Variants in CLEC1A observed in about 807,000 individuals in gnomAD.
CLEC1A encodes C-type lectin domain family 1 member A.
CLEC1A carries 34 observed loss-of-function variants against 28.7 expected under a neutral mutation model. The ratio of observed to expected loss-of-function variants is 1.18; its 90% confidence interval spans 0.90 to 1.57. CLEC1A has a LOEUF of 1.57. Ranked by LOEUF, CLEC1A falls within the 40% of genes most tolerant of loss-of-function variation. CLEC1A has a pLI of 0.00. For missense variants in CLEC1A, 385 were observed against 339.5 expected, an observed-to-expected ratio of 1.13 and a Z score of -1.05; for synonymous variants, 116 against 121.0, an observed-to-expected ratio of 0.96 and a Z score of 0.27.
At position 10,081,390 on chromosome 12, in the gene CLEC1A, T is replaced by A; in HGVS notation, c.238A>T (p.Asn80Tyr). The change falls in exon 3 of 6, where the codon AAT becomes TAT. Residue 80 changes from asparagine (N) to tyrosine (Y), a missense_variant. Physicochemically the swap from Asn to Tyr is moderately radical, Grantham distance 143. Transcript: ENST00000315330. The stretch of plus-strand genomic sequence containing the variant: ...TGAGAAATGGTGTCTTGACCAGTAT[T>A]GGAGAGCTGGTAGTACTGAAAAACT... ...LLFFQYYQLS[N>Y]TGQDTISQME... 1 of 1,607,978 alleles carries A rather than the reference T, an allele frequency of 6.2e-7. No individual in the cohort carries two copies. The highest frequency in any genetic ancestry group is 2.2e-5 in the East Asian group (1 of 44,610).
At chr12:10,092,309 G>C (rs112672762) in intron 1 of CLEC1A, 3 of 206,886 alleles carry the variant, frequency 1.5e-5, no homozygotes, top group African/African-American at 4.8e-5. Flanking sequence ...CCAGGAGTTC[G>C]AGACCAGCCT....
At chr12:10,085,536 TAAAAA>T (rs71049044) in intron 2 of CLEC1A, among the ~76,000 whole-genome samples, 6,477 of 128,662 alleles carry the variant, frequency 0.05, 408 homozygotes, top group African/African-American at 0.16. Flanking sequence ...GCAAAAACAG[TAAAAA>T]AAAAAAAAAA....
intron 2 of CLEC1A, 24 bp from the exon 3 acceptor site, chr12:10,081,437 C>A (rs1217805085): frequency 1.5e-5 from 23 of 1,561,086 alleles, no homozygotes; most frequent in Non-Finnish European, 2.0e-5. Flanking sequence ...CCAAGTCAGA[C>A]TGGACAGCTT....
intron 3 of CLEC1A, among the ~76,000 whole-genome samples, chr12:10,078,886 G>A (rs1040094109): frequency 1.3e-5 from 2 of 152,100 alleles, no homozygotes; most frequent in Admixed American, 6.5e-5. Flanking sequence ...AGCCTGGCAT[G>A]TCTCTCCCCA....
intron 2 of CLEC1A, among the ~76,000 whole-genome samples, chr12:10,083,532 G>A (rs1866413775): frequency 6.6e-6 from 1 of 152,214 alleles, no homozygotes; most frequent in Non-Finnish European, 1.5e-5. Context: ...GCAGTAGTGT[G>A]ATCTTGGCTC....
intron 3 of CLEC1A, among the ~76,000 whole-genome samples, chr12:10,076,785 A>G (rs1022825404): frequency 1.3e-5 from 2 of 152,242 alleles, no homozygotes; most frequent in Non-Finnish European, 2.9e-5. Context: ...GTCCGTTTCA[A>G]CTATGGTCCC....
At chr12:10,094,611 T>G (rs959244594) in intron 1 of CLEC1A, among the ~76,000 whole-genome samples, 1 of 152,184 alleles carries the variant, frequency 6.6e-6, no homozygotes, top group African/African-American at 2.4e-5. Flanking sequence ...CTACCCAAGC[T>G]GACTGATTCC....
intron 2 of CLEC1A, among the ~76,000 whole-genome samples, chr12:10,088,706 T>TA (rs1171890349): frequency 5.3e-5 from 8 of 151,966 alleles, no homozygotes; most frequent in African/African-American, 1.2e-4. Flanking sequence ...GGAGTTTACC[T>TA]ACTCTCCTTG....
intron 1 of CLEC1A, among the ~76,000 whole-genome samples, chr12:10,092,008 A>C (rs895633704): frequency 4.3e-5 from 3 of 70,112 alleles, no homozygotes; most frequent in African/African-American, 9.3e-5. Flanking sequence ...TAAATGAATG[A>C]ATAGGTCCAT....
chr12:10,098,775 T>C, intron 1 of CLEC1A, 33 bp downstream of exon 1: 1 of 1,374,396 alleles, frequency 7.3e-7, no homozygotes, highest in East Asian at 2.3e-5. Context: ...TCACAAGGAC[T>C]GTGGTCTATT....
At chr12:10,084,838 A>G (rs1402216412) in intron 2 of CLEC1A, among the ~76,000 whole-genome samples, 2 of 150,552 alleles carry the variant, frequency 1.3e-5, no homozygotes, top group East Asian at 1.9e-4. Context: ...AAAAAAAAAA[A>G]AAAAAGAAAA....
chr12:10,083,358 C>T (rs1866409786), intron 2 of CLEC1A, among the ~76,000 whole-genome samples: 1 of 152,158 alleles, frequency 6.6e-6, no homozygotes, highest in African/African-American at 2.4e-5. Flanking sequence ...TGGATTCAAA[C>T]CAAGAAGAAA....
rs562085085 is a variant in CLEC1A, at chr12:10,076,679, T to TGA, written c.392-1026_392-1025dup. ...CTAAAACACAGAACAAGAATGGGAA[T>TGA]GATGCTTACCTAAAAGGATTATTGT... On this transcript the variant is annotated intron_variant, in intron 3 of 5. Coordinates refer to ENST00000315330, the MANE Select transcript of CLEC1A (RefSeq NM_016511.4). 3.2e-4 allele frequency among the ~76,000 whole-genome samples: 49 copies of TGA among 152,232 alleles called. 2 individuals carry two copies. In the East Asian group the frequency reaches 8.3e-3, roughly 26 times the overall value.
chr12:10,097,425 C>T (rs1947792569), intron 1 of CLEC1A, among the ~76,000 whole-genome samples: 1 of 152,064 alleles, frequency 6.6e-6, no homozygotes, highest in African/African-American at 2.4e-5. Flanking sequence ...ATGGTATTCC[C>T]CTAAATGTTT....
chr12:10,071,875 G>A (rs1866143428), intron 5 of CLEC1A, among the ~76,000 whole-genome samples: 1 of 152,192 alleles, frequency 6.6e-6, no homozygotes, highest in African/African-American at 2.4e-5. Context: ...GGAGAATAAT[G>A]ATATATTGTA....
intron 5 of CLEC1A, among the ~76,000 whole-genome samples, chr12:10,072,343 C>A (rs1465782474): frequency 6.6e-6 from 1 of 152,204 alleles, no homozygotes; most frequent in African/African-American, 2.4e-5. Context: ...ATAAGCTATC[C>A]AACCTCAGGC....
intron 1 of CLEC1A, among the ~76,000 whole-genome samples, chr12:10,094,076 T>C (rs5012088): frequency 0.76 from 114,972 of 152,080 alleles, 45,233 homozygotes; most frequent in Non-Finnish European, 0.88. Context: ...ATTGAGGTTC[T>C]AATTCACAGT....
Position 10,097,911 on chromosome 12 carries a change from T to A in CLEC1A, c.115+897A>T, listed in dbSNP as rs61920071. ...TCCCTTAACAGCTTACTGGGTAGTT[T>A]AGTTAAAAAAAAAAAAAGCCATATT... On this transcript the variant is annotated intron_variant, in intron 1 of 5. Coordinates refer to ENST00000315330, the MANE Select transcript of CLEC1A (RefSeq NM_016511.4). Among the ~76,000 whole-genome samples, 14 of 9,744 alleles carry A rather than the reference T, an allele frequency of 1.4e-3. 3 individuals carry two copies. Among genetic ancestry groups the A allele is most frequent in the Non-Finnish European group, 9.6e-3 (11 of 1,146 alleles). 6.4% of individuals were successfully genotyped at this position (9,744 alleles called of 152,430 possible).
Position 10,071,004 on chromosome 12 carries a change from G to T in CLEC1A, c.*329C>A, listed in dbSNP as rs945882936. 6.1e-5 allele frequency: 11 copies of T among 179,894 alleles called. No homozygotes were observed. Among genetic ancestry groups the T allele is most frequent in the Non-Finnish European group, 6.9e-5 (6 of 87,046 alleles). The allele number at this position is 179,894 out of a possible 1,614,324, so 11.1% of individuals were successfully genotyped here. A position where few individuals can be genotyped will look rare whatever the true frequency, so the allele number is the denominator to read the frequency against. ...TTCAAAAAGTTTCTTATTCCACCAA[G>T]TGTAAGGAAGACATGAAAACAGGGA... On this transcript the variant is annotated 3_prime_UTR_variant, in exon 6 of 6. Transcript: ENST00000315330.
Sources: allele counts gnomAD v4.1 joint callset (sites outside exome capture counted in the v4.1 genomes callset), GRCh38; gene constraint gnomAD v4.1.1; transcripts MANE v1.5; gene names NCBI Gene and HGNC (gene_info 2026-07-23, HGNC 2026-07-21).